The following PCDH15 variants were observed in gnomAD, a reference collection of about 807,000 sequenced individuals.
PCDH15 encodes protocadherin related 15.
In PCDH15, 129 loss-of-function variants were observed where a neutral mutation model predicts 178.5. That is an observed-to-expected ratio of 0.72 (90% CI 0.63 to 0.84). The LOEUF (loss-of-function observed/expected upper bound fraction) is 0.84, where lower values mean the gene tolerates loss of function less well. PCDH15 is among the 40% of genes least tolerant of loss of function. PCDH15 has a pLI of 0.00. For missense variants in PCDH15, 2,230 were observed against 2,099.9 expected (o/e 1.06, Z -1.21); for synonymous variants, 800 against 732.0 (o/e 1.09, Z -1.50).
intron 2 of PCDH15, among the ~76,000 whole-genome samples, chr10:55,565,755 C>T (rs1842289138): frequency 6.6e-6 from 1 of 151,392 alleles, no homozygotes; most frequent in South Asian, 2.1e-4. Flanking sequence ...TGGAAAAATT[C>T]CTAGAGATAT....
At chr10:54,464,098 G>C (rs149934809) in intron 3 of PCDH15, among the ~76,000 whole-genome samples, 46 of 152,284 alleles carry the variant, frequency 3.0e-4, no homozygotes, top group African/African-American at 1.1e-3. Context: ...CACCTGCACA[G>C]CCAGGGCTCT....
intron 2 of PCDH15, among the ~76,000 whole-genome samples, chr10:55,130,287 C>A (rs926618261): frequency 6.6e-6 from 1 of 152,018 alleles, no homozygotes; most frequent in African/African-American, 2.4e-5. Flanking sequence ...TGTGAAGGAG[C>A]TAGTCATGCT....
chr10:54,027,389 C>T (rs1040458412), intron 18 of PCDH15, among the ~76,000 whole-genome samples: 21 of 152,000 alleles, frequency 1.4e-4, no homozygotes, highest in Non-Finnish European at 2.8e-4. Flanking sequence ...AGATTCAATG[C>T]CATCCCCATC....
intron 5 of PCDH15, among the ~76,000 whole-genome samples, chr10:54,353,831 T>C (rs1431567679): frequency 6.6e-6 from 1 of 152,182 alleles, no homozygotes; most frequent in Non-Finnish European, 1.5e-5. Flanking sequence ...TTTCTCTGAA[T>C]AAATAATAGA....
chr10:54,621,693 C>A (rs1269247171), intron 2 of PCDH15, among the ~76,000 whole-genome samples: 1 of 151,998 alleles, frequency 6.6e-6, no homozygotes, highest in Non-Finnish European at 1.5e-5. Flanking sequence ...CTTAGATTTT[C>A]TCCTCAAATC....
intron 8 of PCDH15, among the ~76,000 whole-genome samples, chr10:54,237,539 T>C (rs1422268339): frequency 6.6e-6 from 1 of 152,206 alleles, no homozygotes; most frequent in Non-Finnish European, 1.5e-5. Context: ...CCCAATTTAA[T>C]GTCCAGTACT....
At chr10:55,138,910 G>A (rs912013260) in intron 2 of PCDH15, among the ~76,000 whole-genome samples, 1 of 151,958 alleles carries the variant, frequency 6.6e-6, no homozygotes. Context: ...GTATAATGTT[G>A]AGATTTATCT....
At chr10:54,664,375 C>G (rs1466481157) in intron 1 of PCDH15, 85 bp from the exon 2 acceptor site, 20 of 849,684 alleles carry the variant, frequency 2.4e-5, no homozygotes, top group Non-Finnish European at 3.3e-5. Context: ...CACAGAAAAG[C>G]CTTAATGACT....
intron 2 of PCDH15, among the ~76,000 whole-genome samples, chr10:54,976,237 T>C (rs1243935012): frequency 6.6e-6 from 1 of 152,164 alleles, no homozygotes; most frequent in Non-Finnish European, 1.5e-5. Flanking sequence ...AGATATAGTC[T>C]TAAAATCAAT....
chr10:54,607,259 A>T (rs1261881100), intron 2 of PCDH15, among the ~76,000 whole-genome samples: 1 of 152,132 alleles, frequency 6.6e-6, no homozygotes, highest in Non-Finnish European at 1.5e-5. Context: ...AAAGATAATT[A>T]TAAGATTTAA....
intron 9 of PCDH15, among the ~76,000 whole-genome samples, chr10:54,224,368 A>C (rs187481619): frequency 6.6e-6 from 1 of 152,180 alleles, no homozygotes. Context: ...ATGTAAAAAC[A>C]TTGTACGAGA....
In PCDH15 at chr10:55,013,901, A is replaced by T. The variant is rs115871243; in HGVS notation, c.-79-116401T>A. 6.4e-3 allele frequency among the ~76,000 whole-genome samples: 978 copies of T among 152,246 alleles called. 13 individuals are homozygous for T. The highest frequency in any genetic ancestry group is 0.023 in the African/African-American group (951 of 41,574). ...CCCTAGAACAGTATTCAAACTATTA[A>T]TTATATTCCTAAAATTTAGGCCACT... On this transcript the variant is annotated intron_variant, in intron 2 of 5. Coordinates refer to the PCDH15 transcript ENST00000458638.
At chr10:53,836,519 G>T (rs1252238512) in intron 29 of PCDH15, among the ~76,000 whole-genome samples, 1 of 152,088 alleles carries the variant, frequency 6.6e-6, no homozygotes, top group Non-Finnish European at 1.5e-5. Flanking sequence ...CAGCACGCAG[G>T]CCTCTATTCT....
chr10:55,064,924 T>C (rs1460057365), intron 2 of PCDH15, among the ~76,000 whole-genome samples: 1 of 152,066 alleles, frequency 6.6e-6, no homozygotes. Flanking sequence ...CAAATCATTA[T>C]CACAATAAAT....
chr10:54,588,679 G>A (rs547798667), intron 2 of PCDH15, among the ~76,000 whole-genome samples: 8 of 152,212 alleles, frequency 5.3e-5, no homozygotes, highest in Admixed American at 4.6e-4. Flanking sequence ...CCACTCAAGC[G>A]ATTTTCCCAC....
chr10:55,348,027 T>G (rs1844809477), intron 2 of PCDH15, among the ~76,000 whole-genome samples: 1 of 152,032 alleles, frequency 6.6e-6, no homozygotes, highest in South Asian at 2.1e-4. Flanking sequence ...GGGCAATTAT[T>G]ACAAATAATA....
chr10:55,595,572 G>A (rs1170824216), intron 2 of PCDH15, among the ~76,000 whole-genome samples: 1 of 151,988 alleles, frequency 6.6e-6, no homozygotes, highest in African/African-American at 2.4e-5. Context: ...CCAGGATTAA[G>A]AACCACTGCA....
At chr10:54,611,101 T>G (rs2092946056) in intron 2 of PCDH15, among the ~76,000 whole-genome samples, 1 of 151,666 alleles carries the variant, frequency 6.6e-6, no homozygotes, top group Admixed American at 6.6e-5. Context: ...CAAAAGGAAA[T>G]AAACACAGTT....
At chr10:54,888,742 G>GT (rs869081678) in intron 3 of PCDH15, among the ~76,000 whole-genome samples, 11 of 105,238 alleles carry the variant, frequency 1.0e-4, no homozygotes, top group Admixed American at 3.5e-4. Context: ...TCCTGTTGTT[G>GT]TTTTTTTTCA....
Sources: allele counts gnomAD v4.1 joint callset (sites outside exome capture counted in the v4.1 genomes callset), GRCh38; gene constraint gnomAD v4.1.1; transcripts MANE v1.5; gene names NCBI Gene and HGNC (gene_info 2026-07-23, HGNC 2026-07-21).